NPAS3: variants seen among roughly 807,000 people sequenced by gnomAD.
The protein encoded by NPAS3 is neuronal PAS domain-containing protein 3.
A neutral mutation model predicts 73.1 loss-of-function variants in NPAS3; 14 were observed. The ratio of observed to expected loss-of-function variants is 0.19; its 90% CI spans 0.13 to 0.30. The LOEUF (loss-of-function observed/expected upper bound fraction) is 0.30. Among genes scored for constraint, NPAS3 ranks in the 10% least tolerant of loss-of-function variants. The pLI, the probability that NPAS3 is intolerant of heterozygous loss-of-function variation, is 1.00. For synonymous variants in NPAS3, 620 were observed against 541.5 expected, an observed-to-expected ratio of 1.14 and a Z score of -2.01; for missense variants, 1,096 against 1,250.0, an observed-to-expected ratio of 0.88 and a Z score of 1.86.
At chr14:33,485,409 A>G (rs1431909604) in intron 4 of NPAS3, among the ~76,000 whole-genome samples, 1 of 152,138 alleles carries the variant, frequency 6.6e-6, no homozygotes, top group Non-Finnish European at 1.5e-5. Flanking sequence ...TTGAGTAATC[A>G]CCAGGAAGAT....
At chr14:33,585,165 A>C (rs2056818648) in intron 5 of NPAS3, among the ~76,000 whole-genome samples, 1 of 152,160 alleles carries the variant, frequency 6.6e-6, no homozygotes, top group Non-Finnish European at 1.5e-5. Flanking sequence ...GAGAGACCCG[A>C]ATAGAGCCTC....
chr14:33,612,148 G>A (rs1030204130), intron 5 of NPAS3, among the ~76,000 whole-genome samples: 3 of 152,092 alleles, frequency 2.0e-5, no homozygotes, highest in Non-Finnish European at 4.4e-5. Context: ...TGCTAGCTCT[G>A]GAAATCTAGG....
intron 3 of NPAS3, among the ~76,000 whole-genome samples, chr14:33,230,363 C>A (rs1319254628): frequency 6.6e-6 from 1 of 152,190 alleles, no homozygotes; most frequent in East Asian, 1.9e-4. Flanking sequence ...CCCAAATCTA[C>A]AGCAACAGAC....
At chr14:33,732,053 G>GAGCTGCCTCAAAA (rs1362258942) in intron 6 of NPAS3, among the ~76,000 whole-genome samples, 1 of 152,140 alleles carries the variant, frequency 6.6e-6, no homozygotes, top group East Asian at 1.9e-4. Flanking sequence ...CAACAATTAT[G>GAGCTGCCTCAAAA]AGCTGCCTCA....
intron 9 of NPAS3, among the ~76,000 whole-genome samples, chr14:33,784,741 ATTTATTTTTTT>A (rs1431678157): frequency 1.2e-4 from 9 of 72,770 alleles, no homozygotes; most frequent in African/African-American, 5.5e-4. Flanking sequence ...TTATTTATTT[ATTTATTTTTTT>A]TTTTTTTTTT....
At chr14:33,192,143 A>T (rs1223160992) in intron 2 of NPAS3, among the ~76,000 whole-genome samples, 1 of 152,118 alleles carries the variant, frequency 6.6e-6, no homozygotes, top group Non-Finnish European at 1.5e-5. Flanking sequence ...TGACTAGGAG[A>T]CCTTAGGCAA....
intron 2 of NPAS3, among the ~76,000 whole-genome samples, chr14:33,210,627 C>A (rs2046995280): frequency 6.6e-6 from 1 of 152,042 alleles, no homozygotes; most frequent in South Asian, 2.1e-4. Context: ...ATTATCATTG[C>A]CATTTAAAAA....
intron 4 of NPAS3, among the ~76,000 whole-genome samples, chr14:33,542,693 G>A (rs1057100057): frequency 1.3e-5 from 2 of 152,152 alleles, no homozygotes; most frequent in African/African-American, 4.8e-5. Flanking sequence ...CACTTTACAG[G>A]CATTTAAGTA....
chr14:33,378,257 C>T (rs748373065), intron 4 of NPAS3, among the ~76,000 whole-genome samples: 1 of 152,148 alleles, frequency 6.6e-6, no homozygotes, highest in Non-Finnish European at 1.5e-5. Flanking sequence ...AGTGAGCACT[C>T]AAGAAAAGTT....
At chr14:33,520,493 G>GA (rs1022148329) in intron 4 of NPAS3, among the ~76,000 whole-genome samples, 2 of 152,056 alleles carry the variant, frequency 1.3e-5, no homozygotes, top group Middle Eastern at 3.2e-3. Context: ...AGTGAAACTG[G>GA]AAATGTTTGT....
chr14:33,537,355 G>A (rs898649037), intron 4 of NPAS3, among the ~76,000 whole-genome samples: 1 of 152,130 alleles, frequency 6.6e-6, no homozygotes, highest in African/African-American at 2.4e-5. Context: ...ACAAATCAGT[G>A]TTTCACTTTG....
chr14:33,283,596 ATC>A (rs2041719969), intron 3 of NPAS3, among the ~76,000 whole-genome samples: 1 of 152,192 alleles, frequency 6.6e-6, no homozygotes, highest in African/African-American at 2.4e-5. Flanking sequence ...CCTTGTCACT[ATC>A]TATTCTTGTA....
intron 2 of NPAS3, among the ~76,000 whole-genome samples, chr14:33,205,355 C>G (rs931884492): frequency 6.6e-6 from 1 of 152,058 alleles, no homozygotes; most frequent in Non-Finnish European, 1.5e-5. Context: ...CAGTAAATAT[C>G]CTTTTTGGCA....
chr14:32,934,929 G>A, upstream of NPAS3: 3 of 1,099,894 alleles, frequency 2.7e-6, no homozygotes, highest in Non-Finnish European at 3.3e-6. The surrounding 1 kb of genome is among the most constrained non-coding windows in gnomAD (Gnocchi z 4.1). Flanking sequence ...CGGCCGGCGC[G>A]GGCATGGGGA....
At chr14:33,242,153 A>G (rs913399149) in intron 3 of NPAS3, among the ~76,000 whole-genome samples, 1 of 152,058 alleles carries the variant, frequency 6.6e-6, no homozygotes, top group Non-Finnish European at 1.5e-5. Context: ...TTTGGTGAAG[A>G]AAAATAAGTC....
chr14:33,210,805 T>G (rs2047003119), intron 2 of NPAS3, among the ~76,000 whole-genome samples: 2 of 152,110 alleles, frequency 1.3e-5, no homozygotes, highest in African/African-American at 4.8e-5. Context: ...ACAAAAAAAT[T>G]TATAAATCTT....
chr14:33,425,053 G>C (rs188312112), intron 4 of NPAS3, among the ~76,000 whole-genome samples: 1 of 152,120 alleles, frequency 6.6e-6, no homozygotes, highest in Non-Finnish European at 1.5e-5. Context: ...TGCCATGGAA[G>C]CCAAGAGAAA....
At chr14:33,193,425 G>A (rs777952883) in intron 2 of NPAS3, among the ~76,000 whole-genome samples, 5 of 151,426 alleles carry the variant, frequency 3.3e-5, no homozygotes, top group Non-Finnish European at 5.9e-5. Context: ...ACTCAGATGG[G>A]GGCAGCAACA....
intron 4 of NPAS3, among the ~76,000 whole-genome samples, chr14:33,419,977 G>A (rs1382181316): frequency 1.3e-5 from 2 of 151,884 alleles, no homozygotes; most frequent in African/African-American, 4.8e-5. Flanking sequence ...AACAGTGAAA[G>A]CTTAACTTTA....
Sources: gnomAD v4.1 joint callset for allele counts (sites outside exome capture counted in the v4.1 genomes callset) on GRCh38, gnomAD v4.1.1 for gene constraint, Gnocchi (gnomAD v3.1) non-coding constraint, MANE v1.5 for transcripts, NCBI Gene and HGNC (gene_info 2026-07-23, HGNC 2026-07-21) for gene names.